The following SLIT3 variants were observed in gnomAD, a reference collection of about 807,000 sequenced individuals.
SLIT3 encodes the protein slit homolog 3 protein.
A neutral mutation model predicts 184.0 loss-of-function variants in SLIT3; 68 were observed. The ratio of observed to expected loss-of-function variants is 0.37; its 90% CI spans 0.30 to 0.45. SLIT3 has a LOEUF of 0.45. Ranked by LOEUF, SLIT3 falls within the 20% of genes least tolerant of loss-of-function variation. SLIT3 has a pLI of 1.00. For synonymous variants in SLIT3, 831 were observed against 828.6 expected (o/e 1.00, Z -0.05); for missense variants, 1,707 against 2,026.0 (o/e 0.84, Z 3.02).
intron 1 of SLIT3, among the ~76,000 whole-genome samples, chr5:169,297,422 A>G (rs1767544059): frequency 6.6e-6 from 1 of 152,172 alleles, no homozygotes; most frequent in Admixed American, 6.5e-5. Flanking sequence ...GTTTTCCTTA[A>G]TGTCATAACA....
At chr5:169,055,709 G>T (rs1317834956) in intron 4 of SLIT3, among the ~76,000 whole-genome samples, 1 of 152,090 alleles carries the variant, frequency 6.6e-6, no homozygotes, top group South Asian at 2.1e-4. Flanking sequence ...TGTGGTAGCT[G>T]TAGTGCCAGC....
At chr5:169,232,378 C>T (rs1258611496) in intron 3 of SLIT3, among the ~76,000 whole-genome samples, 2 of 152,062 alleles carry the variant, frequency 1.3e-5, no homozygotes, top group African/African-American at 4.8e-5. Context: ...GCACATGCCA[C>T]CACACCTGCC....
chr5:168,970,596 C>T (rs1754543579), intron 4 of SLIT3, among the ~76,000 whole-genome samples: 1 of 151,996 alleles, frequency 6.6e-6, no homozygotes, highest in African/African-American at 2.4e-5. Context: ...TGCAGGAGTC[C>T]AGCACTGGGC....
At chr5:168,712,882 T>G (rs1762603751) in intron 23 of SLIT3, 1 of 154,596 alleles carries the variant, frequency 6.5e-6, no homozygotes, top group African/African-American at 2.4e-5. Context: ...ATAAAAAGGC[T>G]TGCCACGGAA....
Position 169,201,866 on chromosome 5 carries a change from T to C in SLIT3, c.342-8316A>G, listed in dbSNP as rs548811142. Among the ~76,000 whole-genome samples, 5 of 152,342 alleles carry C rather than the reference T, an allele frequency of 3.3e-5. No homozygotes were observed. In the East Asian group the frequency reaches 9.6e-4, roughly 29 times the overall value. ...TAGCTGCAAAGGAAGCTGGGAAATC[T>C]ACAGGAACACTTGGATATTTTGTTG... On this transcript the variant is annotated intron_variant, in intron 3 of 35. Transcript: ENST00000519560.
At chr5:168,841,040 C>T (rs1438172698) in intron 6 of SLIT3, among the ~76,000 whole-genome samples, 1 of 152,228 alleles carries the variant, frequency 6.6e-6, no homozygotes, top group African/African-American at 2.4e-5. Context: ...ACATTCTCCC[C>T]AGCGGGATTG....
chr5:169,073,554 T>C (rs1056230097), intron 4 of SLIT3, among the ~76,000 whole-genome samples: 5 of 152,082 alleles, frequency 3.3e-5, no homozygotes, highest in African/African-American at 1.2e-4. Flanking sequence ...CCAAATCTCA[T>C]GTTGAATGTG....
At chr5:168,846,689 G>A (rs558026968) in intron 5 of SLIT3, among the ~76,000 whole-genome samples, 41 of 152,278 alleles carry the variant, frequency 2.7e-4, no homozygotes, top group African/African-American at 9.6e-4. Flanking sequence ...GGAAGTCTGG[G>A]GTGTGTAGAG....
intron 25 of SLIT3, chr5:168,708,346 A>C (rs1271540782): frequency 1.8e-6 from 1 of 569,854 alleles, no homozygotes; most frequent in Admixed American, 3.1e-5. Context: ...AGTCAAATCA[A>C]TTACTGTAAT....
At chr5:168,985,659 C>T (rs1187411698) in intron 4 of SLIT3, among the ~76,000 whole-genome samples, 6 of 152,166 alleles carry the variant, frequency 3.9e-5, no homozygotes, top group South Asian at 2.1e-4. Flanking sequence ...TGTCCCGTGA[C>T]CATGCTGTAG....
intron 6 of SLIT3, 125 bp downstream of exon 6, chr5:168,844,459 G>T: frequency 1.2e-6 from 1 of 837,278 alleles, no homozygotes; most frequent in Non-Finnish European, 1.9e-6. Context: ...CTGCAGCAGA[G>T]ACCAGAAATG....
intron 19 of SLIT3, 94 bp downstream of exon 19, chr5:168,749,378 A>C: frequency 6.9e-7 from 1 of 1,439,290 alleles, no homozygotes; most frequent in Non-Finnish European, 9.6e-7. Flanking sequence ...GCAAAGTGGA[A>C]TTGGATCTCA....
intron 4 of SLIT3, among the ~76,000 whole-genome samples, chr5:168,965,373 A>G (rs1018398695): frequency 6.6e-6 from 1 of 152,202 alleles, no homozygotes; most frequent in African/African-American, 2.4e-5. Flanking sequence ...GGGTTTTGAA[A>G]TCATAATAGC....
At chr5:169,247,980 A>G (rs1261458591) in intron 2 of SLIT3, among the ~76,000 whole-genome samples, 1 of 152,162 alleles carries the variant, frequency 6.6e-6, no homozygotes, top group African/African-American at 2.4e-5. Context: ...TCAGCCAAAG[A>G]GAGTCACCGG....
chr5:169,298,567 C>A (rs1767587022), intron 1 of SLIT3, among the ~76,000 whole-genome samples: 1 of 152,176 alleles, frequency 6.6e-6, no homozygotes, highest in Non-Finnish European at 1.5e-5. Context: ...GTGAGCTGAA[C>A]ATTTGCAGGG....
At chr5:169,167,000 T>C (rs569149571) in intron 4 of SLIT3, among the ~76,000 whole-genome samples, 1 of 152,124 alleles carries the variant, frequency 6.6e-6, no homozygotes, top group South Asian at 2.1e-4. Flanking sequence ...GACCCCTCCA[T>C]GTCTGAAAAA....
chr5:168,809,918 T>C (rs1468798409), intron 8 of SLIT3, among the ~76,000 whole-genome samples: 2 of 151,738 alleles, frequency 1.3e-5, no homozygotes, highest in Admixed American at 1.3e-4. Context: ...GGAGGTGGAG[T>C]GGCCGTGGGA....
At chr5:168,842,046 T>C (rs890744673) in intron 6 of SLIT3, among the ~76,000 whole-genome samples, 1 of 152,196 alleles carries the variant, frequency 6.6e-6, no homozygotes, top group Non-Finnish European at 1.5e-5. Flanking sequence ...CAGGATTCTT[T>C]ATGGAGCCTA....
At chr5:168,832,698 T>C (rs370101727) in intron 6 of SLIT3, among the ~76,000 whole-genome samples, 37 of 152,332 alleles carry the variant, frequency 2.4e-4, no homozygotes, top group African/African-American at 8.7e-4. Context: ...GACTGTGTTA[T>C]GCTGGAATGG....
Sources: gnomAD v4.1 joint callset for allele counts (sites outside exome capture counted in the v4.1 genomes callset) on GRCh38, gnomAD v4.1.1 for gene constraint, MANE v1.5 for transcripts, NCBI Gene and HGNC (gene_info 2026-07-23, HGNC 2026-07-21) for gene names.